Variants in FBH1 observed in about 807,000 individuals in gnomAD.
FBH1 encodes the protein F-box DNA helicase 1.
In FBH1, 43 loss-of-function variants were observed where a neutral mutation model predicts 115.5. That is an observed-to-expected ratio of 0.37 (90% CI 0.29 to 0.48). The LOEUF is 0.48. Among genes scored for constraint, FBH1 ranks in the 20% least tolerant of loss-of-function variants. The probability of loss-of-function intolerance (pLI) is 0.99; values close to 1 mark genes in which losing one functional copy is unlikely to be tolerated. For synonymous variants in FBH1, 524 were observed against 507.8 expected, an observed-to-expected ratio of 1.03 and a Z score of -0.43; for missense variants, 1,001 against 1,337.3, an observed-to-expected ratio of 0.75 and a Z score of 3.92.
In FBH1 at chr10:5,906,023, G is replaced by A; in HGVS notation, c.158-14G>A. ...GTTCATTTCTTGTCCATCCTGTTTG[G>A]GTTCTCTCTACAGGTCAGGGAAGTC... On this transcript the variant is annotated splice_polypyrimidine_tract_variant and intron_variant, in intron 2 of 20. Coordinates refer to ENST00000362091, the MANE Select transcript of FBH1 (RefSeq NM_178150.3). The surrounding 1 kb of genome is among the most constrained non-coding windows in gnomAD (Gnocchi z 7.3). 6.3e-7 allele frequency: 1 copy of A among 1,583,132 alleles called. No homozygotes were observed. Among genetic ancestry groups the A allele is most frequent in the Non-Finnish European group, 8.7e-7 (1 of 1,154,646 alleles).
chr10:5,921,631 T>C lies in FBH1; in HGVS notation c.2322+62T>C. ...AAACGTTGTAGACGAACATACCCAA[T>C]GGAAATGTTCACCTTCCTTGGGATT... On this transcript the variant is annotated intron_variant, in intron 15 of 20. Coordinates refer to ENST00000362091, the MANE Select transcript of FBH1 (RefSeq NM_178150.3). This position sits in a 1 kb window ranked among gnomAD's most constrained non-coding sequence, Gnocchi z 6.4. The C allele has an allele frequency of 1.9e-6, 3 of 1,566,764 alleles. No homozygotes were observed. Among genetic ancestry groups the C allele is most frequent in the East Asian group, 2.3e-5 (1 of 43,548 alleles).
At chr10:5,898,797 A>G (rs116511460) in intron 1 of FBH1, among the ~76,000 whole-genome samples, 2,067 of 152,328 alleles carry the variant, frequency 0.014, 30 homozygotes, top group African/African-American at 0.04. Context: ...TACATGGCAC[A>G]GACTATATGT....
At position 5,921,138 on chromosome 10, in the gene FBH1, A is replaced by G; in HGVS notation, c.2101-120A>G. The stretch of plus-strand genomic sequence containing the variant: ...AGTGAGCCTGTGAAGTTCGCTTTCC[A>G]TGCGGGGGGTCAGGAACAACTTGTA... On this transcript the variant is annotated intron_variant, in intron 13 of 20. Coordinates refer to ENST00000362091, the MANE Select transcript of FBH1 (RefSeq NM_178150.3). The surrounding 1 kb of genome is among the most constrained non-coding windows in gnomAD (Gnocchi z 6.4). 1 of 837,822 alleles carries G rather than the reference A, an allele frequency of 1.2e-6. No individual in the cohort carries two copies. Among genetic ancestry groups the G allele is most frequent in the Non-Finnish European group, 1.9e-6 (1 of 528,128 alleles). 51.9% of individuals were successfully genotyped at this position (837,822 alleles called of 1,614,324 possible).
rs770220140 is a variant in FBH1, at chr10:5,924,912, G to C, written c.2596+404G>C. 3 of 366,060 alleles carry C rather than the reference G, an allele frequency of 8.2e-6. No individual in the cohort carries two copies. Among genetic ancestry groups the C allele is most frequent in the Admixed American group, 3.7e-5 (1 of 26,900 alleles). The allele number at this position is 366,060 out of a possible 1,614,324, so 22.7% of individuals were successfully genotyped here. On this transcript the variant is annotated intron_variant, in intron 17 of 20. Transcript: ENST00000362091. The surrounding 1 kb of genome is among the most constrained non-coding windows in gnomAD (Gnocchi z 6.2). Reference sequence around the variant, plus strand: ...TGTGGAATATCTTTGAGCAAGGATGGCTTTATTGCTTAAGGGAAAGGGGAG... The same window carrying C: ...TGTGGAATATCTTTGAGCAAGGATGCCTTTATTGCTTAAGGGAAAGGGGAG...
chr10:5,919,457 G>C (rs1832186053), intron 13 of FBH1, among the ~76,000 whole-genome samples: 1 of 152,120 alleles, frequency 6.6e-6, no homozygotes, highest in Non-Finnish European at 1.5e-5. Flanking sequence ...TTGTACTCCA[G>C]CCTGGGTGAC....
At chr10:5,894,393 C>T in intron 1 of FBH1, 1 of 1,594,238 alleles carries the variant, frequency 6.3e-7, no homozygotes, top group Non-Finnish European at 8.6e-7. Flanking sequence ...AAGCTGCTTT[C>T]AAGGTGTCTA....
At chr10:5,894,905 A>G in intron 1 of FBH1, 1 of 760,518 alleles carries the variant, frequency 1.3e-6, no homozygotes, top group Non-Finnish European at 2.1e-6. Flanking sequence ...TTAAATGCAC[A>G]CTTACACAAA....
At position 5,897,277 on chromosome 10, in the gene FBH1, C is replaced by T. The variant is rs1292434703; in HGVS notation, c.2-5743C>T. ...CTCGTTTTCATAAGCAAGGCTTTGG[C>T]GATGAATATACCTGCCAAGTGTGGG... On this transcript the variant is annotated intron_variant, in intron 1 of 20. Transcript: ENST00000362091. The surrounding 1 kb of genome is among the most constrained non-coding windows in gnomAD (Gnocchi z 4.7). Among the ~76,000 whole-genome samples, 1 of 152,150 alleles carries T rather than the reference C, an allele frequency of 6.6e-6. No homozygotes were observed. The highest frequency in any genetic ancestry group is 3.2e-3 in the Middle Eastern group (1 of 316).
Position 5,925,476 on chromosome 10 carries a change from T to C in FBH1, c.2706T>C (p.Leu902=), listed in dbSNP as rs559838432. The stretch of plus-strand genomic sequence containing the variant: ...GTGCCCGGCATAACCTGCCCCAGCT[T>C]CCGCACTTCAGAGTTGGTAAGAGGC... ...VPCARHNLPQ[L]PHFRVESFSE... The change falls in exon 18 of 21, where the codon CTT becomes CTC. Residue 902 remains leucine (L), a synonymous_variant. Transcript: ENST00000362091. The surrounding 1 kb of genome is among the most constrained non-coding windows in gnomAD (Gnocchi z 4.6). The C allele has an allele frequency of 4.5e-5, 72 of 1,614,072 alleles. 1 individual carries two copies. In the South Asian group the frequency reaches 7.6e-4, roughly 17 times the overall value.
intron 1 of FBH1, among the ~76,000 whole-genome samples, chr10:5,901,056 C>G (rs1458607649): frequency 1.3e-5 from 2 of 151,892 alleles, no homozygotes; most frequent in African/African-American, 4.8e-5. Flanking sequence ...AAGATTGTGT[C>G]ACTGTGCTCC....
In FBH1 at chr10:5,915,671, C is replaced by G; in HGVS notation, c.1565+100C>G. ...ATGTGAGCTTACACCACAGTGACCCCGAGGAGTGTAGTGCTGTTATCTCCA... is the reference window on the plus strand; with the variant it reads ...ATGTGAGCTTACACCACAGTGACCCGGAGGAGTGTAGTGCTGTTATCTCCA... On this transcript the variant is annotated intron_variant, in intron 9 of 20. Transcript: ENST00000362091. This position sits in a 1 kb window ranked among gnomAD's most constrained non-coding sequence, Gnocchi z 5.2. The G allele has an allele frequency of 8.9e-7, 1 of 1,121,782 alleles. No individual in the cohort carries two copies. The highest frequency in any genetic ancestry group is 1.5e-5 in the South Asian group (1 of 68,562). The allele number at this position is 1,121,782 out of a possible 1,614,324, so 69.5% of individuals were successfully genotyped here.
At chr10:5,916,951 T>C in intron 10 of FBH1, 1 of 195,656 alleles carries the variant, frequency 5.1e-6, no homozygotes. Context: ...CGCCTCAGTT[T>C]ATAAGAGCTT....
rs916939758 is a variant in FBH1 at position 5,935,772 on chromosome 10, C to T, written c.2830-684C>T. 6.6e-6 allele frequency: 1 copy of T among 152,302 alleles called. No individual in the cohort carries two copies. Among genetic ancestry groups the T allele is most frequent in the Non-Finnish European group, 1.5e-5 (1 of 68,108 alleles). 9.4% of individuals were successfully genotyped at this position (152,302 alleles called of 1,614,324 possible). ...TTCCTGGGCAGCAGATGTGTGCGGT[C>T]CTGCTAGCATATCAGTCTGTGATGT... On this transcript the variant is annotated intron_variant, in intron 19 of 20. Coordinates refer to ENST00000362091, the MANE Select transcript of FBH1 (RefSeq NM_178150.3). This position sits in a 1 kb window ranked among gnomAD's most constrained non-coding sequence, Gnocchi z 5.2.
intron 2 of FBH1, among the ~76,000 whole-genome samples, chr10:5,904,937 A>C (rs888241751): frequency 1.1e-4 from 16 of 152,304 alleles, no homozygotes; most frequent in African/African-American, 3.8e-4. Flanking sequence ...TCCAAAGTGA[A>C]TATTTTGGAT....
Position 5,900,120 on chromosome 10 carries a change from G to A in FBH1, c.2-2900G>A, listed in dbSNP as rs1301113674. On this transcript the variant is annotated intron_variant, in intron 1 of 20. Coordinates refer to ENST00000362091, the MANE Select transcript of FBH1 (RefSeq NM_178150.3). The surrounding 1 kb of genome is among the most constrained non-coding windows in gnomAD (Gnocchi z 4.2). ...CAGTAATACAGAATTGGCTGTATTT[G>A]GGCTGCTAATACACTTCCTGCTTTG... is the stretch of plus-strand genomic sequence containing the variant. 1.3e-5 allele frequency among the ~76,000 whole-genome samples: 2 copies of A among 152,160 alleles called. No homozygotes were observed. Among genetic ancestry groups the A allele is most frequent in the Non-Finnish European group, 2.9e-5 (2 of 68,024 alleles).
chr10:5,925,368 G>A lies in FBH1; in HGVS notation c.2598G>A (p.Glu866=). The A allele has an allele frequency of 6.2e-7, 1 of 1,613,986 alleles. No homozygotes were observed. Among genetic ancestry groups the A allele is most frequent in the African/African-American group, 1.3e-5 (1 of 75,004 alleles). Residue 866 remains glutamate (E), a splice_region_variant and synonymous_variant, in exon 18 of 21, where the codon GAG becomes GAA. Coordinates refer to ENST00000362091, the MANE Select transcript of FBH1 (RefSeq NM_178150.3). The surrounding 1 kb of genome is among the most constrained non-coding windows in gnomAD (Gnocchi z 4.6). ...ACGTGTGCTGTGTTTTTATCCTAGA[G>A]TACATTCTGGGCACTGTGCACAAAG... ...KCHIEDLDFA[E]YILGTVHKAK... is the part of the protein sequence containing the mutation.
In FBH1 at chr10:5,914,777, C is replaced by T. The variant is rs541991965; in HGVS notation, c.1396+508C>T. On this transcript the variant is annotated intron_variant, in intron 8 of 20. Transcript: ENST00000362091. This position sits in a 1 kb window ranked among gnomAD's most constrained non-coding sequence, Gnocchi z 5.2. ...TTACTCTTTCATCACAGCCTTTGCT[C>T]GTGCTATTTGCTATTTTTTTTCTGC... Among the ~76,000 whole-genome samples the T allele has an allele frequency of 1.3e-4, 20 of 152,312 alleles. No individual in the cohort carries two copies. In the South Asian group the frequency reaches 1.9e-3, roughly 14 times the overall value.
At chr10:5,927,414 T>C (rs372056397) in intron 18 of FBH1, 21 bp from the exon 19 acceptor site, 3 of 1,569,954 alleles carry the variant, frequency 1.9e-6, no homozygotes, top group Middle Eastern at 3.4e-4. Context: ...AGTTGATTTT[T>C]TTCCCCTTTA....
chr10:5,903,051 C>T lies in FBH1; in HGVS notation c.33C>T (p.Ala11=), dbSNP rs1322137627. 1 of 1,613,256 alleles carries T rather than the reference C, an allele frequency of 6.2e-7. No homozygotes were observed. The highest frequency in any genetic ancestry group is 8.5e-7 in the Non-Finnish European group (1 of 1,179,690). ...GGTTTAAGCGGAAGCATCTTACTGC[C>T]ATTGACTGCCAGCATTTGGCTCGGA... is the stretch of plus-strand genomic sequence containing the variant. MRRFKRKHLT[A]IDCQHLARSH... Residue 11 remains alanine (A), a synonymous_variant, in exon 2 of 21, where the codon GCC becomes GCT. Coordinates refer to ENST00000362091, the MANE Select transcript of FBH1 (RefSeq NM_178150.3).
Sources: gnomAD v4.1 joint callset for allele counts (sites outside exome capture counted in the v4.1 genomes callset) on GRCh38, gnomAD v4.1.1 for gene constraint, Gnocchi (gnomAD v3.1) non-coding constraint, MANE v1.5 for transcripts, NCBI Gene and HGNC (gene_info 2026-07-23, HGNC 2026-07-21) for gene names.